Variants in MTRF1 observed in about 807,000 individuals in gnomAD.
MTRF1 encodes the protein peptide chain release factor 1, mitochondrial.
Under a neutral mutation model 62.9 loss-of-function variants are expected in MTRF1, and 51 were observed. The observed-to-expected ratio is 0.81, with a 90% CI of 0.65 to 1.02. MTRF1 has a LOEUF of 1.02. Among genes scored for constraint, MTRF1 ranks in the 50% least tolerant of loss-of-function variants. MTRF1 has a pLI of 0.00. For missense variants in MTRF1, 446 were observed against 530.0 expected, an observed-to-expected ratio of 0.84 and a Z score of 1.56; for synonymous variants, 158 against 181.9, an observed-to-expected ratio of 0.87 and a Z score of 1.06.
upstream of MTRF1, among the ~76,000 whole-genome samples, chr13:41,266,554 G>GT (rs1168955664): frequency 6.6e-6 from 1 of 152,322 alleles, no homozygotes; most frequent in Admixed American, 6.5e-5. Context: ...AGAGGCTGCA[G>GT]TGAGCTATGG....
chr13:41,217,585 G>A (rs2032150843), intron 9 of MTRF1, among the ~76,000 whole-genome samples: 1 of 151,898 alleles, frequency 6.6e-6, no homozygotes, highest in South Asian at 2.1e-4. Flanking sequence ...CCATCTTTAG[G>A]AGAACGGGTT....
intron 5 of MTRF1, among the ~76,000 whole-genome samples, chr13:41,249,818 T>C (rs12859032): frequency 6.6e-6 from 1 of 151,722 alleles, no homozygotes; most frequent in Non-Finnish European, 1.5e-5. Context: ...GTAGACATGG[T>C]GGCCAGGCTG....
chr13:41,279,379 C>T, the MTRF1 span, among the ~76,000 whole-genome samples: 2 of 152,316 alleles, frequency 1.3e-5, no homozygotes, highest in South Asian at 4.1e-4. Context: ...AAACCTTGGC[C>T]CCCACAGCCT....
At chr13:41,266,422 G>A (rs1446082101), upstream of MTRF1, among the ~76,000 whole-genome samples, 1 of 151,636 alleles carries the variant, frequency 6.6e-6, no homozygotes, top group African/African-American at 2.4e-5. Flanking sequence ...GACCACCCTA[G>A]TCAACACGGT....
upstream of MTRF1, among the ~76,000 whole-genome samples, chr13:41,268,122 T>C (rs1355167407): frequency 2.0e-5 from 3 of 152,160 alleles, no homozygotes; most frequent in East Asian, 1.9e-4. Context: ...AATGGGGATG[T>C]AAATTAATCC....
chr13:41,303,591 T>G, the MTRF1 span, among the ~76,000 whole-genome samples: 1 of 152,108 alleles, frequency 6.6e-6, no homozygotes, highest in Non-Finnish European at 1.5e-5. Context: ...TTCTGCAGGG[T>G]CTTGGCGATG....
intron 5 of MTRF1, among the ~76,000 whole-genome samples, chr13:41,247,605 A>C (rs78473679): frequency 6.6e-6 from 1 of 152,242 alleles, no homozygotes; most frequent in East Asian, 1.9e-4. Context: ...TGCATTTTTC[A>C]GGTCCTTGGT....
chr13:41,249,368 C>T (rs996802331), intron 5 of MTRF1, among the ~76,000 whole-genome samples: 8 of 151,924 alleles, frequency 5.3e-5, no homozygotes, highest in African/African-American at 1.2e-4. Flanking sequence ...AGTGAAACCC[C>T]GTCTCTACTA....
rs923523208 is a variant in MTRF1 at position 41,217,050 on chromosome 13, T to C, written c.*65A>G. The C allele has an allele frequency of 2.4e-6, 2 of 845,712 alleles. No individual in the cohort carries two copies. The highest frequency in any genetic ancestry group is 3.7e-6 in the Non-Finnish European group (2 of 539,048). 52.4% of individuals were successfully genotyped at this position (845,712 alleles called of 1,614,324 possible). A position where few individuals can be genotyped will look rare whatever the true frequency, so the allele number is the denominator to read the frequency against. On this transcript the variant is annotated 3_prime_UTR_variant, in exon 10 of 10. Coordinates refer to ENST00000379480, the MANE Select transcript of MTRF1 (RefSeq NM_004294.4). ...CAAATATTCATAATGATTTCCAAGC[T>C]TCAGTCTGCCTCTTGATATAGGTCC...
intron 1 of MTRF1, chr13:41,261,990 T>TA (rs66812727): frequency 0.55 from 80,476 of 146,886 alleles, 22,125 homozygotes; most frequent in South Asian, 0.62. Flanking sequence ...GGTATACATG[T>TA]AAAAAAAAAA....
Position 41,260,526 on chromosome 13 carries a change from G to A in MTRF1, c.382C>T (p.Gln128Ter), listed in dbSNP as rs868181617. 1 of 1,613,484 alleles carries A rather than the reference G, an allele frequency of 6.2e-7. No homozygotes were observed. Among genetic ancestry groups the A allele is most frequent in the Non-Finnish European group, 8.5e-7 (1 of 1,179,764 alleles). The change falls in exon 2 of 10, where the codon CAA (glutamine) becomes TAA (stop). Residue 128 changes from glutamine to a stop codon, truncating the protein, a stop_gained. Transcript: ENST00000379480. LOFTEE classifies it high-confidence loss of function. ...ATTGATTCTAATTCTTCAATTGCTT[G>A]TTCAGTCTCCTGAATTTCTTGGTAA... ...AIYQEIQETEQAIEELESMCK... is the reference protein window; with the variant it reads ...AIYQEIQETE
intron 1 of MTRF1, among the ~76,000 whole-genome samples, chr13:41,262,990 G>A (rs17532840): frequency 0.053 from 8,062 of 152,206 alleles, 262 homozygotes; most frequent in Non-Finnish European, 0.079. Flanking sequence ...TAGATTTTAG[G>A]ATACTGCATC....
intron 2 of MTRF1, 50 bp downstream of exon 2, chr13:41,260,441 GGT>G: frequency 4.3e-6 from 6 of 1,390,624 alleles, no homozygotes; most frequent in Non-Finnish European, 5.8e-6. Flanking sequence ...ATAAGTGTGT[GGT>G]TTTTTTTTTC....
At chr13:41,287,488 G>A in the MTRF1 span, among the ~76,000 whole-genome samples, 6 of 152,148 alleles carry the variant, frequency 3.9e-5, no homozygotes, top group Non-Finnish European at 5.9e-5. Flanking sequence ...CATATCAAAC[G>A]ATATTAAGGG....
intron 2 of MTRF1, 100 bp downstream of exon 2, chr13:41,260,393 T>C (rs1566182000): frequency 1.7e-6 from 2 of 1,161,358 alleles, no homozygotes; most frequent in Non-Finnish European, 1.2e-6. Flanking sequence ...AATAAAGCTT[T>C]AACTTAGAAA....
chr13:41,240,320 T>C lies in MTRF1; in HGVS notation c.811A>G (p.Arg271Gly). 2 of 1,613,724 alleles carry C rather than the reference T, an allele frequency of 1.2e-6. No homozygotes were observed. Among genetic ancestry groups the C allele is most frequent in the Non-Finnish European group, 1.7e-6 (2 of 1,179,830 alleles). Residue 271 changes from arginine to glycine, a missense_variant, in exon 6 of 10, where the codon AGG becomes GGG. Transcript: ENST00000379480. ...GTTCCTGTGTGAATGCGCTGCATCCTTGAGGACAGGCCCACCTCGGGGATG... is the reference window on the plus strand; with the variant it reads ...GTTCCTGTGTGAATGCGCTGCATCCCTGAGGACAGGCCCACCTCGGGGATG... ...QRIPEVGLSS[R>G]MQRIHTGTMS...
chr13:41,252,978 A>G lies in MTRF1; in HGVS notation c.560T>C (p.Leu187Ser). The G allele has an allele frequency of 6.2e-7, 1 of 1,607,334 alleles. No individual in the cohort carries two copies. The change falls in exon 4 of 10, where the codon TTA becomes TCA. Residue 187 changes from leucine to serine, a missense_variant. Coordinates refer to ENST00000379480, the MANE Select transcript of MTRF1 (RefSeq NM_004294.4). ...AGTAGTCCTTCCAGCTGTCACCTCTAAAATAACATCATTTTTGTCATATTT... is the reference window on the plus strand; with the variant it reads ...AGTAGTCCTTCCAGCTGTCACCTCTGAAATAACATCATTTTTGTCATATTT... Reference protein sequence around the residue: ...KEKYDKNDVILEVTAGRTTGG... With the variant: ...KEKYDKNDVISEVTAGRTTGG...
At chr13:41,250,545 G>A (rs569529644) in intron 5 of MTRF1, among the ~76,000 whole-genome samples, 11 of 151,426 alleles carry the variant, frequency 7.3e-5, no homozygotes, top group African/African-American at 2.7e-4. Context: ...CCCAGGCTGA[G>A]TGCAGTGGTG....
intron 9 of MTRF1, among the ~76,000 whole-genome samples, chr13:41,221,595 G>A (rs1483323788): frequency 6.6e-6 from 1 of 152,230 alleles, no homozygotes; most frequent in South Asian, 2.1e-4. Flanking sequence ...AGACTAGTTA[G>A]TGATTATTAG....
Sources: allele counts gnomAD v4.1 joint callset (sites outside exome capture counted in the v4.1 genomes callset), GRCh38; gene constraint gnomAD v4.1.1; transcripts MANE v1.5; gene names NCBI Gene and HGNC (gene_info 2026-07-23, HGNC 2026-07-21).